The following SHC3 variants were observed in gnomAD, a reference collection of about 807,000 sequenced individuals.
SHC3 encodes SHC-transforming protein 3.
Under a neutral mutation model 60.4 loss-of-function variants are expected in SHC3, and 15 were observed. The observed-to-expected ratio is 0.25, with a 90% confidence interval of 0.17 to 0.38. SHC3 has a LOEUF of 0.38. Ranked by LOEUF, SHC3 falls within the 10% of genes least tolerant of loss-of-function variation. The pLI, the probability that SHC3 is intolerant of heterozygous loss-of-function variation, is 1.00. For synonymous variants in SHC3, 294 were observed against 325.9 expected (o/e 0.90, Z 1.05); for missense variants, 677 against 786.1 (o/e 0.86, Z 1.66).
intron 11 of SHC3, among the ~76,000 whole-genome samples, chr9:89,024,873 G>C (rs9410299): frequency 0.46 from 69,489 of 151,826 alleles, 16,638 homozygotes; most frequent in East Asian, 0.83. Context: ...ATTTAGGGGA[G>C]TTTGTTCAGC....
chr9:89,117,759 T>G (rs949730887), intron 1 of SHC3, among the ~76,000 whole-genome samples: 3 of 152,182 alleles, frequency 2.0e-5, no homozygotes, highest in Non-Finnish European at 4.4e-5. Flanking sequence ...TATTTATTAT[T>G]TATGCATTCA....
chr9:89,038,340 G>T, intron 10 of SHC3, 52 bp from the exon 11 acceptor site: 112 of 880,340 alleles, frequency 1.3e-4, no homozygotes, highest in African/African-American at 2.5e-4. Context: ...AAGAGCAAAT[G>T]ATAAAAAAAA....
intron 2 of SHC3, among the ~76,000 whole-genome samples, chr9:89,111,044 C>T (rs1825940387): frequency 6.6e-6 from 1 of 152,164 alleles, no homozygotes; most frequent in African/African-American, 2.4e-5. Flanking sequence ...TCAAATGCCC[C>T]TCAATCATTT....
chr9:89,080,738 T>G, intron 2 of SHC3, among the ~76,000 whole-genome samples: 1 of 116,932 alleles, frequency 8.6e-6, no homozygotes, highest in South Asian at 2.5e-4. Context: ...AGGAAGAATA[T>G]ATATATATAT....
chr9:89,080,312 G>T (rs1408798072), intron 2 of SHC3, among the ~76,000 whole-genome samples: 1 of 152,116 alleles, frequency 6.6e-6, no homozygotes, highest in African/African-American at 2.4e-5. Flanking sequence ...GCCAAATCAA[G>T]ACCTCAGAAC....
intron 1 of SHC3, among the ~76,000 whole-genome samples, chr9:89,164,968 C>A (rs1826764390): frequency 6.6e-6 from 1 of 152,056 alleles, no homozygotes; most frequent in Admixed American, 6.6e-5. Flanking sequence ...AAATATCTCT[C>A]CAAGTGGAAA....
intron 1 of SHC3, among the ~76,000 whole-genome samples, chr9:89,116,834 A>G (rs1587736209): frequency 6.6e-6 from 1 of 152,210 alleles, no homozygotes; most frequent in African/African-American, 2.4e-5. Flanking sequence ...AGTACCACCG[A>G]CACCATAACA....
At chr9:89,175,927 C>A (rs577783963) in intron 1 of SHC3, among the ~76,000 whole-genome samples, 1 of 152,174 alleles carries the variant, frequency 6.6e-6, no homozygotes, top group Non-Finnish European at 1.5e-5. Context: ...CAACAGAGGG[C>A]CATGTGATAA....
chr9:89,110,013 C>A (rs1382684010), intron 2 of SHC3: 2 of 985,316 alleles, frequency 2.0e-6, no homozygotes, highest in African/African-American at 1.7e-5. Flanking sequence ...CTGCAATATA[C>A]ACATACACTG....
At chr9:89,113,132 T>G (rs992998518) in intron 1 of SHC3, among the ~76,000 whole-genome samples, 3 of 152,330 alleles carry the variant, frequency 2.0e-5, no homozygotes, top group Admixed American at 2.0e-4. Context: ...TTGGGTTCTA[T>G]GAACTATAGA....
chr9:89,038,877 A>G (rs1478551821), intron 10 of SHC3, among the ~76,000 whole-genome samples: 5 of 152,068 alleles, frequency 3.3e-5, no homozygotes, highest in South Asian at 4.1e-4. Context: ...CTTAACCTTC[A>G]CTTGTTTCCC....
chr9:89,141,325 G>A (rs2118191538), intron 1 of SHC3, among the ~76,000 whole-genome samples: 1 of 152,206 alleles, frequency 6.6e-6, no homozygotes, highest in Admixed American at 6.5e-5. Context: ...TCTATCCTAC[G>A]GTACCCTTCT....
At chr9:89,014,019 C>G (rs1826053781) in intron 11 of SHC3, among the ~76,000 whole-genome samples, 1 of 152,158 alleles carries the variant, frequency 6.6e-6, no homozygotes, top group Non-Finnish European at 1.5e-5. Flanking sequence ...GTGTCTTCCA[C>G]CTGAGCCTGG....
At chr9:89,148,329 AATCTG>A (rs1236990201) in intron 1 of SHC3, among the ~76,000 whole-genome samples, 2 of 152,220 alleles carry the variant, frequency 1.3e-5, no homozygotes, top group Non-Finnish European at 2.9e-5. Context: ...AAAAAAATGG[AATCTG>A]ATCTTAGCAA....
chr9:89,079,133 T>C lies in SHC3; in HGVS notation c.546-1230A>G, dbSNP rs576667641. Among the ~76,000 whole-genome samples the C allele has an allele frequency of 2.6e-5, 4 of 152,344 alleles. No individual in the cohort carries two copies. In the East Asian group the frequency reaches 5.8e-4, roughly 22 times the overall value. On this transcript the variant is annotated intron_variant, in intron 2 of 11. Transcript: ENST00000375835. The stretch of plus-strand genomic sequence containing the variant: ...CCGTAGGCAATGAATCATCATGACA[T>C]GGAAAAAGTGAAGCAAGAAACAAAT...
At chr9:89,151,163 C>T (rs902905952) in intron 1 of SHC3, among the ~76,000 whole-genome samples, 1 of 152,076 alleles carries the variant, frequency 6.6e-6, no homozygotes, top group African/African-American at 2.4e-5. Flanking sequence ...GGACTACAGG[C>T]ATGTGACACG....
chr9:89,008,015 G>A lies in SHC3; in HGVS notation c.*5432C>T, dbSNP rs764388444. The A allele has an allele frequency of 6.6e-6, 1 of 152,226 alleles. No homozygotes were observed. The highest frequency in any genetic ancestry group is 2.4e-5 in the African/African-American group (1 of 41,456). The allele number at this position is 152,226 out of a possible 1,614,324, so 9.4% of individuals were successfully genotyped here. ...CACAACACAGAGCCAATCTGCGTGT[G>A]TACAGAGATGCAGATCCGTTTTTAA... On this transcript the variant is annotated 3_prime_UTR_variant, in exon 12 of 12. Coordinates refer to ENST00000375835, the MANE Select transcript of SHC3 (RefSeq NM_016848.6).
intron 1 of SHC3, among the ~76,000 whole-genome samples, chr9:89,164,639 A>G (rs910401534): frequency 6.6e-6 from 1 of 152,128 alleles, no homozygotes; most frequent in African/African-American, 2.4e-5. Context: ...ACAGACATGT[A>G]TTTTAGAAAG....
intron 11 of SHC3, among the ~76,000 whole-genome samples, chr9:89,036,157 G>A (rs1824575220): frequency 6.6e-6 from 1 of 151,904 alleles, no homozygotes; most frequent in African/African-American, 2.4e-5. Flanking sequence ...AAAAGCAAGA[G>A]AATACATGTG....
Sources: gnomAD v4.1 joint callset for allele counts (sites outside exome capture counted in the v4.1 genomes callset) on GRCh38, gnomAD v4.1.1 for gene constraint, MANE v1.5 for transcripts, NCBI Gene and HGNC (gene_info 2026-07-23, HGNC 2026-07-21) for gene names.